The following FER variants were observed in gnomAD, a reference collection of about 807,000 sequenced individuals.
FER encodes the protein tyrosine-protein kinase Fer.
Under a neutral mutation model 111.0 loss-of-function variants are expected in FER, and 63 were observed. The ratio of observed to expected loss-of-function variants is 0.57; its 90% CI spans 0.46 to 0.70. FER has a LOEUF of 0.70. Ranked by LOEUF, FER falls within the 30% of genes least tolerant of loss-of-function variation. FER has a pLI of 0.00. For synonymous variants in FER, 327 were observed against 313.9 expected (o/e 1.04, Z -0.44); for missense variants, 914 against 954.0 (o/e 0.96, Z 0.55).
chr5:108,948,850 T>C (rs916091452), intron 11 of FER, among the ~76,000 whole-genome samples: 2 of 152,096 alleles, frequency 1.3e-5, no homozygotes, highest in South Asian at 2.1e-4. Context: ...AGTAGCAGTC[T>C]TTGAAAAATA....
At chr5:108,770,406 C>T (rs1482720734) in intron 2 of FER, among the ~76,000 whole-genome samples, 5 of 152,130 alleles carry the variant, frequency 3.3e-5, no homozygotes, top group East Asian at 1.9e-4. Flanking sequence ...TTGGCCAGTC[C>T]GAAATCTTCC....
At chr5:109,015,208 C>G (rs763239244) in intron 13 of FER, among the ~76,000 whole-genome samples, 6 of 152,040 alleles carry the variant, frequency 3.9e-5, no homozygotes, top group Non-Finnish European at 7.4e-5. Flanking sequence ...GTGCTAGCCC[C>G]TTTGCAGTTA....
intron 5 of FER, among the ~76,000 whole-genome samples, chr5:108,857,415 A>T (rs1442031410): frequency 6.6e-6 from 1 of 152,150 alleles, no homozygotes; most frequent in South Asian, 2.1e-4. Context: ...CCATGATGTC[A>T]GTTCATCCCA....
chr5:109,068,258 A>ACTGCACC (rs143198032), intron 16 of FER, among the ~76,000 whole-genome samples: 38,688 of 150,984 alleles, frequency 0.26, 5,182 homozygotes, highest in Middle Eastern at 0.32. Context: ...GAGTCCGCTC[A>ACTGCACC]CTGCACCCTC....
At chr5:109,080,365 T>C (rs1014138659) in intron 16 of FER, among the ~76,000 whole-genome samples, 3 of 152,116 alleles carry the variant, frequency 2.0e-5, no homozygotes, top group African/African-American at 7.2e-5. Flanking sequence ...ATACTCCATG[T>C]GAGTGAATGT....
At chr5:108,933,273 A>G (rs544424237) in intron 10 of FER, among the ~76,000 whole-genome samples, 14 of 152,270 alleles carry the variant, frequency 9.2e-5, no homozygotes, top group African/African-American at 3.4e-4. Flanking sequence ...TTTTTTAATA[A>G]GGTGTGAGGA....
chr5:108,794,526 ACC>A (rs138716410), intron 2 of FER, among the ~76,000 whole-genome samples: 5 of 106,380 alleles, frequency 4.7e-5, no homozygotes, highest in Admixed American at 1.0e-4. Flanking sequence ...CCCCCTCCGC[ACC>A]CCCCCCCCTC....
chr5:109,000,102 T>C (rs1764528350), intron 13 of FER, among the ~76,000 whole-genome samples: 6 of 151,896 alleles, frequency 4.0e-5, no homozygotes, highest in Admixed American at 3.9e-4. Flanking sequence ...TTAATGTATA[T>C]ATTTACTGGT....
At chr5:108,802,704 G>T (rs969022806) in intron 3 of FER, among the ~76,000 whole-genome samples, 3 of 151,862 alleles carry the variant, frequency 2.0e-5, no homozygotes, top group Non-Finnish European at 4.4e-5. Flanking sequence ...TCTTTTTTAT[G>T]ACCATATAGT....
intron 8 of FER, among the ~76,000 whole-genome samples, chr5:108,882,243 A>C (rs1440420170): frequency 1.3e-5 from 2 of 151,990 alleles, no homozygotes; most frequent in African/African-American, 4.8e-5. Flanking sequence ...ACCCCTGAAA[A>C]ATCTGTGCCA....
chr5:108,910,899 A>G (rs1751457114), intron 10 of FER, among the ~76,000 whole-genome samples: 1 of 152,076 alleles, frequency 6.6e-6, no homozygotes, highest in South Asian at 2.1e-4. Context: ...ATTGGTGGAT[A>G]TTTAGGTTGA....
chr5:109,112,183 G>C (rs1749703085), intron 17 of FER, among the ~76,000 whole-genome samples: 1 of 151,934 alleles, frequency 6.6e-6, no homozygotes, highest in African/African-American at 2.4e-5. Context: ...ACATAGATAA[G>C]TTTTGAGAAA....
At chr5:108,884,453 A>G (rs1280194866) in intron 9 of FER, among the ~76,000 whole-genome samples, 1 of 150,866 alleles carries the variant, frequency 6.6e-6, no homozygotes, top group Non-Finnish European at 1.5e-5. Flanking sequence ...TGTACTCAAC[A>G]TCTTTCCTTA....
At chr5:108,986,825 C>T (rs914696797) in intron 13 of FER, among the ~76,000 whole-genome samples, 2 of 152,052 alleles carry the variant, frequency 1.3e-5, no homozygotes, top group Admixed American at 6.6e-5. Flanking sequence ...ATATCGGTAC[C>T]GTGCTGTTTT....
At chr5:108,850,236 G>GT (rs1045127885) in intron 5 of FER, among the ~76,000 whole-genome samples, 4 of 149,238 alleles carry the variant, frequency 2.7e-5, no homozygotes, top group African/African-American at 4.9e-5. Flanking sequence ...TTTTGAGCTT[G>GT]TTTTTTTTTC....
intron 17 of FER, among the ~76,000 whole-genome samples, chr5:109,138,309 G>A (rs1337671323): frequency 6.6e-6 from 1 of 152,150 alleles, no homozygotes; most frequent in Non-Finnish European, 1.5e-5. Flanking sequence ...GATGTTAGAA[G>A]AGAAATTCAG....
At chr5:109,077,500 A>G (rs1003772397) in intron 16 of FER, among the ~76,000 whole-genome samples, 2 of 152,200 alleles carry the variant, frequency 1.3e-5, no homozygotes, top group Admixed American at 6.5e-5. Flanking sequence ...AATGAAGACT[A>G]TGGAATTTAG....
At chr5:108,905,581 A>G (rs555002081) in intron 10 of FER, among the ~76,000 whole-genome samples, 2 of 152,110 alleles carry the variant, frequency 1.3e-5, no homozygotes, top group African/African-American at 4.8e-5. Flanking sequence ...TTATTATGTA[A>G]TGGGGTTTTT....
intron 1 of FER, among the ~76,000 whole-genome samples, chr5:108,752,186 A>T (rs1185709149): frequency 2.0e-5 from 3 of 152,052 alleles, no homozygotes; most frequent in African/African-American, 7.2e-5. Context: ...TGGATTTTTT[A>T]AAATCAAGGC....
Sources: allele counts gnomAD v4.1 joint callset (sites outside exome capture counted in the v4.1 genomes callset), GRCh38; gene constraint gnomAD v4.1.1; transcripts MANE v1.5; gene names NCBI Gene and HGNC (gene_info 2026-07-23, HGNC 2026-07-21).